Variants in OFD1 observed in about 807,000 individuals in gnomAD.
OFD1 encodes the protein centriole and centriolar satellite protein OFD1.
Under a neutral mutation model 81.4 loss-of-function variants are expected in OFD1, and 12 were observed. The ratio of observed to expected loss-of-function variants is 0.15; its 90% CI spans 0.09 to 0.24. The LOEUF (loss-of-function observed/expected upper bound fraction) is 0.24. OFD1 is among the 10% of genes least tolerant of loss of function. The pLI is 1.00. For missense variants in OFD1, 685 were observed against 733.9 expected (o/e 0.93, Z 0.77); for synonymous variants, 256 against 263.7 (o/e 0.97, Z 0.28).
At position 13,760,698 on chromosome X, in the gene OFD1, C is replaced by T. The variant is rs776930595; in HGVS notation, c.2238C>T (p.Leu746=). 14 of 1,209,525 alleles carry T rather than the reference C, an allele frequency of 1.2e-5. No individual in the cohort carries two copies. In the East Asian group the frequency reaches 2.7e-4, roughly 23 times the overall value. The change falls in exon 16 of 23, where the codon CTC becomes CTT. Residue 746 remains leucine (L), a synonymous_variant. Coordinates refer to ENST00000340096, the MANE Select transcript of OFD1 (RefSeq NM_003611.3). Reference sequence around the variant, plus strand: ...CCCTTCCAAAAGCAAAAAGAAGCCTCGAAAGTGAAATGTATCTGGAAGGTA... The same window carrying T: ...CCCTTCCAAAAGCAAAAAGAAGCCTTGAAAGTGAAATGTATCTGGAAGGTA... The part of the protein sequence containing the change: ...STPLPKAKRS[L]ESEMYLEGLG...
chrX:13,768,011 C>T (rs756635010), intron 20 of OFD1, 43 bp from the exon 21 acceptor site: 1 of 1,138,887 alleles, frequency 8.8e-7, no homozygotes, highest in South Asian at 1.8e-5. Context: ...AAAAGTTTTA[C>T]AAATGTATTT....
chrX:13,735,054 G>T lies in OFD1; in HGVS notation c.-18G>T, dbSNP rs1377954958. 1.7e-6 allele frequency: 2 copies of T among 1,189,050 alleles called. No individual in the cohort carries two copies. The highest frequency in any genetic ancestry group is 3.0e-5 in the East Asian group (1 of 33,142). On this transcript the variant is annotated 5_prime_UTR_variant, in exon 1 of 23. Transcript: ENST00000340096. ...CGGCGGGGCGAGCGAGGCGGGCTCCGGAGGGAGCTGACGCCTGATGATGGC... is the reference window on the plus strand; with the variant it reads ...CGGCGGGGCGAGCGAGGCGGGCTCCTGAGGGAGCTGACGCCTGATGATGGC...
At chrX:13,771,732 T>TA (rs1458023645), downstream of OFD1, 1 of 112,436 alleles carries the variant, frequency 8.9e-6, no homozygotes, top group African/African-American at 3.2e-5. Flanking sequence ...TGGAACACAA[T>TA]AATGTAAAAG....
chrX:13,722,670 C>T, the OFD1 span, among the ~76,000 whole-genome samples: 7 of 111,735 alleles, frequency 6.3e-5, no homozygotes, highest in African/African-American at 1.3e-4. Context: ...GTAAGACACA[C>T]GCTAGGATTC....
At chrX:13,773,505 T>A, downstream of OFD1, 1 of 111,725 alleles carries the variant, frequency 9.0e-6, no homozygotes, top group East Asian at 2.8e-4. Context: ...ACTACATATT[T>A]AACATGGAAA....
Position 13,757,673 on chromosome X carries a change from G to T in OFD1, c.1425G>T (p.Pro475=). 6 of 1,208,654 alleles carry T rather than the reference G, an allele frequency of 5.0e-6. No homozygotes were observed. Among genetic ancestry groups the T allele is most frequent in the Non-Finnish European group, 6.7e-6 (6 of 894,436 alleles). ...TTACCTTCTTAGGCCTAGCTCAGCC[G>T]GCTCCTGAACTTGCAGTCTTTCAGA... ...NLRLLNRLAQ[P]APELAVFQKE... is the part of the protein sequence containing the mutation. Residue 475 remains proline (P), a synonymous_variant, in exon 14 of 23, where the codon CCG becomes CCT. Transcript: ENST00000340096.
At chrX:13,716,191 G>A in the OFD1 span, 1 of 904,834 alleles carries the variant, frequency 1.1e-6, no homozygotes, top group Admixed American at 3.8e-5. Flanking sequence ...GTGTATTTGT[G>A]ATGGAAAAGT....
At chrX:13,717,035 A>T in the OFD1 span, among the ~76,000 whole-genome samples, 3 of 12,210 alleles carry the variant, frequency 2.5e-4, no homozygotes, top group East Asian at 4.2e-3. Context: ...ATACTATGTT[A>T]AAAAAAAAAA....
chrX:13,745,848 T>C (rs1433107294), intron 6 of OFD1, among the ~76,000 whole-genome samples: 4 of 112,189 alleles, frequency 3.6e-5, no homozygotes, highest in Non-Finnish European at 7.5e-5. Flanking sequence ...ATTTGTTCTT[T>C]ATGTGTAAAG....
At chrX:13,739,830 C>G in intron 5 of OFD1, 10 of 751,926 alleles carry the variant, frequency 1.3e-5, no homozygotes, top group Non-Finnish European at 1.6e-5. Flanking sequence ...GAGTCCATAA[C>G]TACTGTGGGT....
At chrX:13,744,293 C>CT (rs1461437194) in intron 5 of OFD1, 122 bp from the exon 6 acceptor site, 9 of 471,374 alleles carry the variant, frequency 1.9e-5, no homozygotes, top group South Asian at 5.9e-5. Flanking sequence ...ACTTTTGTCT[C>CT]TAAAAAAAAG....
Position 13,761,321 on chromosome X carries a change from C to T in OFD1, c.2387+110C>T, listed in dbSNP as rs2047921780. 19 of 820,918 alleles carry T rather than the reference C, an allele frequency of 2.3e-5. No homozygotes were observed. In the South Asian group the frequency reaches 4.4e-4, roughly 19 times the overall value. 67.7% of individuals were successfully genotyped at this position (820,918 alleles called of 1,213,427 possible). On this transcript the variant is annotated intron_variant, in intron 17 of 22. Coordinates refer to ENST00000340096, the MANE Select transcript of OFD1 (RefSeq NM_003611.3). ...TTTTTTTGAGATAATTATTATAGAT[C>T]ATGTGGCAGTATAGAATTTGCAATC...
chrX:13,761,449 GAT>G (rs960498320), intron 17 of OFD1, among the ~76,000 whole-genome samples: 4 of 111,558 alleles, frequency 3.6e-5, no homozygotes, highest in African/African-American at 1.3e-4. Context: ...TGCTAAACTT[GAT>G]ATATGGACCA....
chrX:13,737,608 G>A (rs958307337), intron 3 of OFD1, among the ~76,000 whole-genome samples: 2 of 109,671 alleles, frequency 1.8e-5, no homozygotes, highest in South Asian at 4.0e-4. Context: ...GCAGTGAGCC[G>A]AGATCATGCC....
intron 13 of OFD1, 71 bp from the exon 14 acceptor site, chrX:13,757,589 T>G: frequency 9.0e-7 from 1 of 1,106,063 alleles, no homozygotes; most frequent in South Asian, 1.9e-5. Context: ...TTTAACTGTT[T>G]TTGTTAAGTT....
At chrX:13,765,491 A>G (rs2048091738) in intron 19 of OFD1, among the ~76,000 whole-genome samples, 1 of 111,810 alleles carries the variant, frequency 8.9e-6, no homozygotes, top group African/African-American at 3.3e-5. Flanking sequence ...CTCCTCTGGT[A>G]TTTTAATTTC....
the OFD1 span, chrX:13,719,976 A>G: frequency 8.9e-7 from 1 of 1,119,759 alleles, no homozygotes; most frequent in Non-Finnish European, 1.2e-6. Flanking sequence ...TCTTCAATAT[A>G]TGGCTCCTAA....
chrX:13,744,527 T>C lies in OFD1; in HGVS notation c.517+8T>C, dbSNP rs373361154. 5.9e-5 allele frequency: 58 copies of C among 989,283 alleles called. No homozygotes were observed. Among genetic ancestry groups the C allele is most frequent in the Non-Finnish European group, 8.1e-5 (56 of 694,363 alleles). 81.5% of individuals were successfully genotyped at this position (989,283 alleles called of 1,213,427 possible). The stretch of plus-strand genomic sequence containing the variant: ...TTAACAGAGATTCTCTGGGTAATTA[T>C]AGCCTTCTTTCTTAATTTCAGTTCT... On this transcript the variant is annotated splice_region_variant and intron_variant, in intron 6 of 22. Coordinates refer to ENST00000340096, the MANE Select transcript of OFD1 (RefSeq NM_003611.3).
At chrX:13,725,604 C>A in the OFD1 span, among the ~76,000 whole-genome samples, 1 of 112,483 alleles carries the variant, frequency 8.9e-6, no homozygotes, top group Non-Finnish European at 1.9e-5. Flanking sequence ...ATCTGTAGGT[C>A]ACCAACATCA....
Sources: allele counts gnomAD v4.1 joint callset (sites outside exome capture counted in the v4.1 genomes callset), GRCh38; gene constraint gnomAD v4.1.1; transcripts MANE v1.5; gene names NCBI Gene and HGNC (gene_info 2026-07-23, HGNC 2026-07-21).